Variants in EIF4ENIF1 observed in about 807,000 individuals in gnomAD.
EIF4ENIF1 encodes eukaryotic translation initiation factor 4E transporter.
Under a neutral mutation model 110.5 loss-of-function variants are expected in EIF4ENIF1, and 23 were observed. The observed-to-expected ratio is 0.21, with a 90% CI of 0.15 to 0.29. The LOEUF (loss-of-function observed/expected upper bound fraction) is 0.29. Ranked by LOEUF, EIF4ENIF1 falls within the 10% of genes least tolerant of loss-of-function variation. The pLI is 1.00. For synonymous variants in EIF4ENIF1, 440 were observed against 437.0 expected (o/e 1.01, Z -0.09); for missense variants, 1,031 against 1,221.1 (o/e 0.84, Z 2.32).
In EIF4ENIF1 at chr22:31,488,636, T is replaced by C. The variant is rs2052134768; in HGVS notation, c.83A>G (p.His28Arg). The C allele has an allele frequency of 1.2e-6, 2 of 1,614,128 alleles. No individual in the cohort carries two copies. Among genetic ancestry groups the C allele is most frequent in the Non-Finnish European group, 1.7e-6 (2 of 1,180,008 alleles). Residue 28 changes from histidine (H) to arginine (R), a missense_variant, in exon 2 of 19, where the codon CAT becomes CGT. Transcript: ENST00000330125. Reference sequence around the variant, plus strand: ...GGCAAACCTTACTTTTGTATAGCGATGGGGGCATTTGGAGGCAGGAGGCTT... The same window carrying C: ...GGCAAACCTTACTTTTGTATAGCGACGGGGGCATTTGGAGGCAGGAGGCTT... ...LKKPPASKCPHRYTKEELLDI... is the reference protein window; with the variant it reads ...LKKPPASKCPRRYTKEELLDI...
chr22:31,482,819 C>A (rs987320368), intron 2 of EIF4ENIF1, among the ~76,000 whole-genome samples: 4 of 150,204 alleles, frequency 2.7e-5, no homozygotes, highest in African/African-American at 9.8e-5. Context: ...ATCAGGAGAT[C>A]GAGACCATCC....
chr22:31,446,260 G>A (rs1184646087), intron 14 of EIF4ENIF1, among the ~76,000 whole-genome samples: 1 of 120,122 alleles, frequency 8.3e-6, no homozygotes, highest in Non-Finnish European at 1.6e-5. Context: ...ACTCCATCCT[G>A]GGCAACAGAT....
At chr22:31,450,783 C>T (rs577522155) in intron 10 of EIF4ENIF1, 4 of 226,042 alleles carry the variant, frequency 1.8e-5, no homozygotes, top group Admixed American at 5.3e-5. Flanking sequence ...TATATACACA[C>T]ACATATACAC....
chr22:31,475,275 A>T (rs1171610315), intron 2 of EIF4ENIF1, among the ~76,000 whole-genome samples: 1 of 150,866 alleles, frequency 6.6e-6, no homozygotes, highest in Admixed American at 6.6e-5. Context: ...CTGAAAAAAA[A>T]CTGTCAAAGA....
chr22:31,488,806 T>C, intron 1 of EIF4ENIF1, 61 bp from the exon 2 acceptor site: 1 of 1,521,144 alleles, frequency 6.6e-7, no homozygotes, highest in Non-Finnish European at 8.8e-7. Flanking sequence ...AAATCTTGGC[T>C]GTTTCTTCAG....
intron 6 of EIF4ENIF1, among the ~76,000 whole-genome samples, chr22:31,460,917 C>A (rs1366754951): frequency 2.0e-5 from 3 of 152,246 alleles, no homozygotes; most frequent in African/African-American, 4.8e-5. Flanking sequence ...TGCACTCCAG[C>A]CTAGGCAACA....
downstream of EIF4ENIF1, chr22:31,437,449 A>AC (rs2050187195): frequency 1.1e-5 from 1 of 93,854 alleles, no homozygotes; most frequent in Non-Finnish European, 2.3e-5. Flanking sequence ...TTTTGCCTTC[A>AC]TCCCCCCCCC....
At position 31,455,937 on chromosome 22, in the gene EIF4ENIF1, A is replaced by G; in HGVS notation, c.1014T>C (p.Ser338=). The G allele has an allele frequency of 6.2e-7, 1 of 1,614,126 alleles. No individual in the cohort carries two copies. Among genetic ancestry groups the G allele is most frequent in the East Asian group, 2.2e-5 (1 of 44,878 alleles). Residue 338 remains serine (S), a synonymous_variant, in exon 8 of 19, where the codon AGT becomes AGC. Coordinates refer to ENST00000330125, the MANE Select transcript of EIF4ENIF1 (RefSeq NM_019843.4). ...GEGSVSASRF[S]RWFSNPSRSG... is the part of the protein sequence containing the mutation. ...ATCTGCTCGGGTTAGAGAACCACCT[A>G]CTGAACCGACTGGCAGAGACTGACC...
At chr22:31,445,960 C>CA (rs892610307) in intron 14 of EIF4ENIF1, among the ~76,000 whole-genome samples, 36 of 148,326 alleles carry the variant, frequency 2.4e-4, no homozygotes, top group African/African-American at 8.9e-4. Flanking sequence ...ACCGCCCCCC[C>CA]CCCCCATCTA....
chr22:31,470,271 TTTTTGTTGTTGTTGTTTTG>T (rs1409244198), intron 3 of EIF4ENIF1, among the ~76,000 whole-genome samples: 2 of 151,924 alleles, frequency 1.3e-5, no homozygotes, highest in Non-Finnish European at 2.9e-5. Context: ...CATCCAGGTT[TTTTTGTTGTTGTTGTTTTG>T]TTTTTTTTGA....
intron 14 of EIF4ENIF1, among the ~76,000 whole-genome samples, chr22:31,446,249 C>T (rs1220080194): frequency 1.5e-5 from 2 of 135,566 alleles, no homozygotes; most frequent in South Asian, 2.4e-4. Flanking sequence ...TGTGCCACTG[C>T]ACTCCATCCT....
chr22:31,441,733 G>A, intron 17 of EIF4ENIF1, 41 bp downstream of exon 17: 1 of 1,520,012 alleles, frequency 6.6e-7, no homozygotes, highest in Non-Finnish European at 9.0e-7. Context: ...TGTCCCCTAG[G>A]CCCACAAACT....
intron 16 of EIF4ENIF1, 137 bp downstream of exon 16, chr22:31,442,825 G>T: frequency 8.5e-7 from 1 of 1,175,892 alleles, no homozygotes; most frequent in Non-Finnish European, 1.2e-6. Context: ...CCTTCTCACT[G>T]ACACAGAACC....
At position 31,455,119 on chromosome 22, in the gene EIF4ENIF1, T is replaced by G. The variant is rs2050775918; in HGVS notation, c.1279+17A>C. On this transcript the variant is annotated intron_variant, in intron 9 of 18. Transcript: ENST00000330125. ...GACCTTTTCAGATATCTAAAACAGA[T>G]ATTCATAAACACTTACAGCTTTCTT... 1 of 1,596,370 alleles carries G rather than the reference T, an allele frequency of 6.3e-7. No individual in the cohort carries two copies. The highest frequency in any genetic ancestry group is 1.1e-5 in the South Asian group (1 of 87,518).
At position 31,449,474 on chromosome 22, in the gene EIF4ENIF1, T is replaced by A. The variant is rs201522943; in HGVS notation, c.1642A>T (p.Met548Leu). The A allele has an allele frequency of 2.5e-6, 4 of 1,613,958 alleles. 1 individual carries two copies. The Admixed American group carries it at 6.7e-5, about 27-fold the overall frequency. The change falls in exon 12 of 19, where the codon ATG becomes TTG. Residue 548 changes from methionine to leucine, a missense_variant. This residue lies in a region of EIF4ENIF1 where 704 missense variants were observed against 879.7 expected (regional missense o/e 0.80). Transcript: ENST00000330125. ...PASSNLLSGL[M>L]GSLEPTTSLL... The stretch of plus-strand genomic sequence containing the variant: ...GATGTTGTAGGCTCCAAGCTCCCCA[T>A]AAGGCCACTCAGAAGATTGGAAGAA...
chr22:31,476,699 A>G (rs1207691578), intron 2 of EIF4ENIF1, among the ~76,000 whole-genome samples: 2 of 152,064 alleles, frequency 1.3e-5, no homozygotes, highest in Non-Finnish European at 2.9e-5. Flanking sequence ...GTTCAAGACC[A>G]GCCTGGCACG....
chr22:31,448,367 C>A, intron 12 of EIF4ENIF1, 135 bp from the exon 13 acceptor site: 2 of 879,304 alleles, frequency 2.3e-6, no homozygotes, highest in East Asian at 2.5e-5. Context: ...ACAGATGTCC[C>A]TCTCCCTCTG....
chr22:31,444,351 A>G (rs1315901900), intron 15 of EIF4ENIF1: 2 of 396,686 alleles, frequency 5.0e-6, no homozygotes, highest in South Asian at 2.5e-5. Flanking sequence ...AACATACTAT[A>G]TCACCTCGTG....
chr22:31,456,675 C>T (rs557887652), intron 7 of EIF4ENIF1, among the ~76,000 whole-genome samples: 19 of 152,152 alleles, frequency 1.2e-4, no homozygotes, highest in African/African-American at 4.3e-4. Flanking sequence ...CCACCATATG[C>T]CTGGCTATTT....
Sources: allele counts gnomAD v4.1 joint callset (sites outside exome capture counted in the v4.1 genomes callset), GRCh38; gene constraint gnomAD v4.1.1; regional missense constraint gnomAD v4.1.1; transcripts MANE v1.5; gene names NCBI Gene and HGNC (gene_info 2026-07-23, HGNC 2026-07-21).